PDZD2: variants seen among roughly 807,000 people sequenced by gnomAD.
PDZD2 encodes the protein PDZ domain-containing protein 2.
Under a neutral mutation model 220.7 loss-of-function variants are expected in PDZD2, and 90 were observed. The ratio of observed to expected loss-of-function variants is 0.41; its 90% CI spans 0.34 to 0.49. PDZD2 has a LOEUF of 0.49. PDZD2 is among the 20% of genes least tolerant of loss of function. PDZD2 has a pLI of 0.28. For synonymous variants in PDZD2, 1,375 were observed against 1,450.5 expected, an observed-to-expected ratio of 0.95 and a Z score of 1.18; for missense variants, 3,174 against 3,608.5, an observed-to-expected ratio of 0.88 and a Z score of 3.08.
rs766177541 is a variant in PDZD2, at chr5:32,087,344, C to T, written c.3896C>T (p.Pro1299Leu). The change falls in exon 20 of 25, where the codon CCC (proline) becomes CTC (leucine). Residue 1299 changes from proline (P) to leucine (L), a missense_variant. This residue lies in a region of PDZD2 where 1,861 missense variants were observed against 2,001.0 expected (regional missense o/e 0.93). Transcript: ENST00000438447. This position sits in a 1 kb window ranked among gnomAD's most constrained non-coding sequence, Gnocchi z 4.0. ...TCCCCGGGGGAGAAAGCAGCGGCTCCCCCTGACTACAGCAAGACTCGATCA... is the reference window on the plus strand; with the variant it reads ...TCCCCGGGGGAGAAAGCAGCGGCTCTCCCTGACTACAGCAAGACTCGATCA... ...SPSPGEKAAAPPDYSKTRSAS... is the reference protein window; with the variant it reads ...SPSPGEKAAALPDYSKTRSAS... 7 of 1,614,026 alleles carry T rather than the reference C, an allele frequency of 4.3e-6. No individual in the cohort carries two copies. The East Asian group carries it at 1.6e-4, about 36-fold the overall frequency.
chr5:31,813,189 G>T (rs183247923), intron 2 of PDZD2, among the ~76,000 whole-genome samples: 1 of 152,094 alleles, frequency 6.6e-6, no homozygotes, highest in African/African-American at 2.4e-5. Context: ...GGTGGCTCAC[G>T]CCTGTAATGC....
chr5:31,695,983 CT>C (rs1287489783), intron 1 of PDZD2, among the ~76,000 whole-genome samples: 2 of 152,154 alleles, frequency 1.3e-5, no homozygotes, highest in Non-Finnish European at 2.9e-5. Context: ...GCTGTCTTAT[CT>C]TTTTTTCACC....
intron 1 of PDZD2, among the ~76,000 whole-genome samples, chr5:31,772,721 T>A (rs1326276993): frequency 6.6e-6 from 1 of 152,244 alleles, no homozygotes; most frequent in Non-Finnish European, 1.5e-5. Flanking sequence ...GACTTTGGAA[T>A]CAGTGCTGCC....
intron 2 of PDZD2, among the ~76,000 whole-genome samples, chr5:31,889,811 G>T (rs1740844454): frequency 6.6e-6 from 1 of 152,094 alleles, no homozygotes. Flanking sequence ...TTTGAGGTCA[G>T]GAGTTCGAGA....
rs569414795 is a variant in PDZD2 at position 31,955,597 on chromosome 5, C to T, written c.477-27558C>T. On this transcript the variant is annotated intron_variant, in intron 2 of 24. Transcript: ENST00000438447. ...GATTACAGGCGTCAGCCACCATGCC[C>T]GGCCCTTTGTGTTGTTTCCTAGTCT... Among the ~76,000 whole-genome samples the T allele has an allele frequency of 1.2e-4, 19 of 152,058 alleles. No homozygotes were observed. In the East Asian group the frequency reaches 3.1e-3, roughly 25 times the overall value.
Position 32,059,225 on chromosome 5 carries a change from G to T in PDZD2, c.2201-14G>T. ...ATTTTTGTTTTTATTTTCTTTGAAT[G>T]GTGCCTCTCACAGAGCCAAGAGTTG... On this transcript the variant is annotated splice_polypyrimidine_tract_variant and intron_variant, in intron 12 of 24. Coordinates refer to ENST00000438447, the MANE Select transcript of PDZD2 (RefSeq NM_178140.4). The T allele has an allele frequency of 7.0e-7, 1 of 1,427,756 alleles. No individual in the cohort carries two copies. The highest frequency in any genetic ancestry group is 1.2e-5 in the South Asian group (1 of 83,130). 88.4% of individuals were successfully genotyped at this position (1,427,756 alleles called of 1,614,324 possible).
intron 2 of PDZD2, among the ~76,000 whole-genome samples, chr5:31,898,596 C>T (rs1581025448): frequency 3.3e-5 from 5 of 152,274 alleles, no homozygotes; most frequent in African/African-American, 1.2e-4. Context: ...CACTGGTGTG[C>T]GTTGTTTGGT....
At position 32,059,253 on chromosome 5, in the gene PDZD2, T is replaced by C. The variant is rs769758406; in HGVS notation, c.2215T>C (p.Leu739=). ...GCCTCTCACAGAGCCAAGAGTTGGA[T>C]TAGGCATTGGTGCCTGCTGCTTGGC... The part of the protein sequence containing the change: ...VTLNKEPRVG[L]GIGACCLALE... Residue 739 remains leucine, a synonymous_variant, in exon 13 of 25, where the codon TTA becomes CTA. Coordinates refer to ENST00000438447, the MANE Select transcript of PDZD2 (RefSeq NM_178140.4). 2.5e-6 allele frequency: 4 copies of C among 1,604,558 alleles called. No homozygotes were observed. Among genetic ancestry groups the C allele is most frequent in the East Asian group, 4.5e-5 (2 of 44,832 alleles).
At chr5:31,850,126 ATG>A (rs1165058975) in intron 2 of PDZD2, among the ~76,000 whole-genome samples, 15 of 136,296 alleles carry the variant, frequency 1.1e-4, no homozygotes, top group Non-Finnish European at 2.1e-4. Flanking sequence ...ACGTGTATAT[ATG>A]TGTGTGTATA....
At chr5:31,854,124 G>GC (rs1232730365) in intron 2 of PDZD2, among the ~76,000 whole-genome samples, 1 of 152,186 alleles carries the variant, frequency 6.6e-6, no homozygotes, top group African/African-American at 2.4e-5. Context: ...CCCGCTGCCA[G>GC]CCCCCCTCCC....
intron 15 of PDZD2, among the ~76,000 whole-genome samples, chr5:32,070,894 C>T (rs990803409): frequency 2.0e-4 from 30 of 150,288 alleles, no homozygotes; most frequent in African/African-American, 6.4e-4. Context: ...ACCCGGGAGG[C>T]TGAGACAGGA....
chr5:31,705,677 C>T (rs1326676800), intron 1 of PDZD2, among the ~76,000 whole-genome samples: 1 of 151,994 alleles, frequency 6.6e-6, no homozygotes, highest in East Asian at 1.9e-4. Context: ...AGACACAGGA[C>T]AATAAATATT....
At chr5:31,988,563 C>G (rs1750910810) in intron 3 of PDZD2, among the ~76,000 whole-genome samples, 1 of 152,022 alleles carries the variant, frequency 6.6e-6, no homozygotes, top group African/African-American at 2.4e-5. Flanking sequence ...AGGCTTCATC[C>G]TGAAGGCATG....
At chr5:32,076,035 C>G (rs542988194) in intron 18 of PDZD2, among the ~76,000 whole-genome samples, 1 of 152,204 alleles carries the variant, frequency 6.6e-6, no homozygotes, top group South Asian at 2.1e-4. Context: ...CCTGTAATCC[C>G]AGCACTTTGG....
At chr5:31,653,077 G>T (rs1200913454) in intron 1 of PDZD2, among the ~76,000 whole-genome samples, 1 of 152,076 alleles carries the variant, frequency 6.6e-6, no homozygotes, top group Non-Finnish European at 1.5e-5. Flanking sequence ...TTTTGCTGGT[G>T]ACTTGGAACT....
intron 1 of PDZD2, among the ~76,000 whole-genome samples, chr5:31,757,187 G>A (rs562553028): frequency 7.2e-5 from 11 of 152,282 alleles, no homozygotes; most frequent in East Asian, 1.9e-4. Flanking sequence ...TCAGGAGGCC[G>A]AGACAGGAGG....
At chr5:31,953,762 C>T (rs1230391853) in intron 2 of PDZD2, among the ~76,000 whole-genome samples, 1 of 151,434 alleles carries the variant, frequency 6.6e-6, no homozygotes, top group African/African-American at 2.4e-5. Context: ...TGAAGCAATT[C>T]TGCCTCAGCC....
intron 2 of PDZD2, among the ~76,000 whole-genome samples, chr5:31,882,113 A>G (rs572861424): frequency 6.6e-6 from 1 of 152,320 alleles, no homozygotes; most frequent in East Asian, 1.9e-4. Flanking sequence ...TTAATGGACC[A>G]TCATAACTGA....
At chr5:31,716,724 A>G (rs1284894202) in intron 1 of PDZD2, among the ~76,000 whole-genome samples, 1 of 152,200 alleles carries the variant, frequency 6.6e-6, no homozygotes, top group Non-Finnish European at 1.5e-5. Flanking sequence ...AGTTGCTTGA[A>G]TCCAGGAGGT....
Sources: allele counts gnomAD v4.1 joint callset (sites outside exome capture counted in the v4.1 genomes callset), GRCh38; gene constraint gnomAD v4.1.1; regional missense constraint gnomAD v4.1.1; non-coding constraint Gnocchi (gnomAD v3.1); transcripts MANE v1.5; gene names NCBI Gene and HGNC (gene_info 2026-07-23, HGNC 2026-07-21).